FBL: variants seen among roughly 807,000 people sequenced by gnomAD.
FBL encodes the protein rRNA 2'-O-methyltransferase fibrillarin.
Under a neutral mutation model 42.2 loss-of-function variants are expected in FBL, and 10 were observed. That is an observed-to-expected ratio of 0.24 (90% CI 0.15 to 0.40). FBL has a LOEUF of 0.40. Ranked by LOEUF, FBL falls within the 10% of genes least tolerant of loss-of-function variation. The probability of loss-of-function intolerance (pLI) is 1.00; values close to 1 mark genes in which losing one functional copy is unlikely to be tolerated. For missense variants in FBL, 351 were observed against 439.2 expected (o/e 0.80, Z 1.79); for synonymous variants, 165 against 165.4 (o/e 1.00, Z 0.02).
intron 5 of FBL, 121 bp downstream of exon 5, chr19:39,838,914 G>A (rs759859402): frequency 1.2e-6 from 1 of 850,666 alleles, no homozygotes; most frequent in Non-Finnish European, 1.9e-6. Context: ...CAGGCACAGT[G>A]ACAGAAAAGG....
At position 39,835,362 on chromosome 19, in the gene FBL, T is replaced by C. The variant is rs577833953; in HGVS notation, c.796-549A>G. Reference sequence around the variant, plus strand: ...GGTGAAACCCTATCTCTACTAAAAATACAAAAATTAGTCGGGTGTGGTGGC... The same window carrying C: ...GGTGAAACCCTATCTCTACTAAAAACACAAAAATTAGTCGGGTGTGGTGGC... On this transcript the variant is annotated intron_variant, in intron 7 of 8. Transcript: ENST00000221801. Among the ~76,000 whole-genome samples the C allele has an allele frequency of 2.6e-5, 4 of 152,006 alleles. No homozygotes were observed. In the East Asian group the frequency reaches 5.8e-4, roughly 22 times the overall value.
rs148682393 is a variant in FBL, at chr19:39,842,378, G to A, written c.11-1591C>T. Reference sequence around the variant, plus strand: ...TGGGATTACAGGCGTGAGCCAGCGCGCCCAGCCTTGCTCATGTTTTTTGTA... The same window carrying A: ...TGGGATTACAGGCGTGAGCCAGCGCACCCAGCCTTGCTCATGTTTTTTGTA... On this transcript the variant is annotated intron_variant, in intron 1 of 8. Coordinates refer to ENST00000221801, the MANE Select transcript of FBL (RefSeq NM_001436.4). Among the ~76,000 whole-genome samples, 277 of 152,280 alleles carry A rather than the reference G, an allele frequency of 1.8e-3. 1 individual carries two copies. The highest frequency in any genetic ancestry group is 5.9e-3 in the African/African-American group (245 of 41,562).
intron 4 of FBL, among the ~76,000 whole-genome samples, chr19:39,839,563 G>A (rs1969116728): frequency 1.3e-5 from 2 of 152,116 alleles, no homozygotes; most frequent in Non-Finnish European, 2.9e-5. Context: ...AATACAACAT[G>A]GCATATGAGA....
At position 39,837,802 on chromosome 19, in the gene FBL, G is replaced by A. The variant is rs1347016852; in HGVS notation, c.591C>T (p.Gly197=). The A allele has an allele frequency of 3.1e-6, 5 of 1,612,376 alleles. No homozygotes were observed. Among genetic ancestry groups the A allele is most frequent in the Non-Finnish European group, 3.4e-6 (4 of 1,179,366 alleles). Residue 197 remains glycine (G), a synonymous_variant, in exon 6 of 9, where the codon GGC becomes GGT. Coordinates refer to ENST00000221801, the MANE Select transcript of FBL (RefSeq NM_001436.4). ...VYAVEFSHRS[G]RDLINLAKKR... is the part of the protein sequence containing the mutation. ...TCTTGGCCAAGTTAATGAGGTCACG[G>A]CCAGAGCGGTGGGAGAACTCGACTG... is the stretch of plus-strand genomic sequence containing the variant.
intron 1 of FBL, among the ~76,000 whole-genome samples, chr19:39,841,922 A>C (rs1455923375): frequency 2.6e-5 from 4 of 152,220 alleles, no homozygotes; most frequent in Non-Finnish European, 5.9e-5. Flanking sequence ...GCACAAAACA[A>C]CGTTTAAAAC....
chr19:39,838,838 T>C (rs7259470), intron 5 of FBL, 197 bp downstream of exon 5: 173,176 of 555,854 alleles, frequency 0.31, 28,277 homozygotes, highest in South Asian at 0.35. Context: ...GTCTCTTCCC[T>C]TGAGGCCAAG....
chr19:39,838,797 GTCTC>G (rs978205103), intron 5 of FBL: 5 of 440,786 alleles, frequency 1.1e-5, no homozygotes, highest in African/African-American at 4.0e-5. Flanking sequence ...ACTCCCCGTT[GTCTC>G]TCTAAGGTTG....
At chr19:39,846,267 C>T (rs1016119829) in intron 1 of FBL, 24 bp downstream of exon 1, 2 of 1,613,660 alleles carry the variant, frequency 1.2e-6, no homozygotes, top group African/African-American at 2.7e-5. Flanking sequence ...CGTCCCTGAC[C>T]CCGGACCCTC....
intron 6 of FBL, among the ~76,000 whole-genome samples, chr19:39,837,337 G>A (rs886841280): frequency 2.2e-4 from 33 of 151,972 alleles, no homozygotes; most frequent in African/African-American, 8.0e-4. Flanking sequence ...ATTCACAGTG[G>A]GCCCCTCCAG....
intron 1 of FBL, among the ~76,000 whole-genome samples, chr19:39,841,652 G>A (rs1969166763): frequency 1.3e-5 from 2 of 152,130 alleles, no homozygotes; most frequent in African/African-American, 4.8e-5. Flanking sequence ...CCTTGGAGCT[G>A]GAAGAAAAGT....
intron 1 of FBL, among the ~76,000 whole-genome samples, chr19:39,845,090 CACA>C: frequency 6.6e-6 from 1 of 152,198 alleles, no homozygotes; most frequent in East Asian, 1.9e-4. Flanking sequence ...GGCACAGATC[CACA>C]AATCTCCTGC....
intron 4 of FBL, 144 bp from the exon 5 acceptor site, chr19:39,839,349 A>G (rs367668843): frequency 1.6e-5 from 10 of 628,234 alleles, no homozygotes; most frequent in Non-Finnish European, 2.7e-5. Context: ...GACCATGCAC[A>G]TGCAGTCGCT....
Position 39,836,622 on chromosome 19 carries a change from G to T in FBL, c.729C>A (p.Thr243=). ...IFADVAQPDQ[T]RIVALNAHTF... The stretch of plus-strand genomic sequence containing the variant: ...TGTGGGCATTCAGGGCCACAATCCG[G>T]GTCTGGTCTGGCTGGGCCACATCAG... Residue 243 remains threonine (T), a synonymous_variant, in exon 7 of 9, where the codon ACC becomes ACA. Coordinates refer to ENST00000221801, the MANE Select transcript of FBL (RefSeq NM_001436.4). 6.2e-7 allele frequency: 1 copy of T among 1,614,092 alleles called. No individual in the cohort carries two copies. Among genetic ancestry groups the T allele is most frequent in the Non-Finnish European group, 8.5e-7 (1 of 1,179,992 alleles).
chr19:39,839,985 C>G (rs1227495048), intron 4 of FBL, among the ~76,000 whole-genome samples: 1 of 151,454 alleles, frequency 6.6e-6, no homozygotes, highest in Non-Finnish European at 1.5e-5. Flanking sequence ...GTGAAGGAGA[C>G]AAAGCCAGGG....
At chr19:39,843,475 C>T (rs756580531) in intron 1 of FBL, among the ~76,000 whole-genome samples, 3 of 152,148 alleles carry the variant, frequency 2.0e-5, no homozygotes, top group Non-Finnish European at 4.4e-5. Flanking sequence ...GACATGGAGA[C>T]AATACAGTGC....
At chr19:39,839,953 A>G (rs2145061050) in intron 4 of FBL, among the ~76,000 whole-genome samples, 1 of 151,964 alleles carries the variant, frequency 6.6e-6, no homozygotes, top group Middle Eastern at 3.4e-3. Flanking sequence ...GGGTGGCTGG[A>G]GGACACTTGG....
At chr19:39,842,442 A>G (rs937161664) in intron 1 of FBL, among the ~76,000 whole-genome samples, 3 of 152,112 alleles carry the variant, frequency 2.0e-5, no homozygotes, top group African/African-American at 7.2e-5. Context: ...CCCTTCATGC[A>G]CCTTAATGGT....
chr19:39,844,722 A>C (rs1265971726), intron 1 of FBL, among the ~76,000 whole-genome samples: 2 of 152,128 alleles, frequency 1.3e-5, no homozygotes, highest in Non-Finnish European at 2.9e-5. Context: ...CAAGCTTCCC[A>C]CCAATGTGCC....
rs1969064492 is a variant in FBL at position 39,837,118 on chromosome 19, A to T, written c.683-450T>A. Among the ~76,000 whole-genome samples, 5 of 152,344 alleles carry T rather than the reference A, an allele frequency of 3.3e-5. No homozygotes were observed. In the South Asian group the frequency reaches 1.0e-3, roughly 32 times the overall value. On this transcript the variant is annotated intron_variant, in intron 6 of 8. Transcript: ENST00000221801. ...AGTGCATGGGAAAAATAAAACACAGAAAGAAAAAGGAGCAGAATGAAAAAT... is the reference window on the plus strand; with the variant it reads ...AGTGCATGGGAAAAATAAAACACAGTAAGAAAAAGGAGCAGAATGAAAAAT...
Sources: gnomAD v4.1 joint callset for allele counts (sites outside exome capture counted in the v4.1 genomes callset) on GRCh38, gnomAD v4.1.1 for gene constraint, MANE v1.5 for transcripts, NCBI Gene and HGNC (gene_info 2026-07-23, HGNC 2026-07-21) for gene names.